SCML2: variants seen among roughly 807,000 people sequenced by gnomAD.
SCML2 encodes sex comb on midleg-like protein 2.
SCML2 carries 6 observed loss-of-function variants against 48.4 expected under a neutral mutation model. The observed-to-expected ratio is 0.12, with a 90% confidence interval of 0.07 to 0.24. The LOEUF is 0.24. Ranked by LOEUF, SCML2 falls within the 10% of genes least tolerant of loss-of-function variation. SCML2 has a pLI of 1.00. For synonymous variants in SCML2, 181 were observed against 189.5 expected (o/e 0.95, Z 0.37); for missense variants, 377 against 528.2 (o/e 0.71, Z 2.81).
intron 3 of SCML2, among the ~76,000 whole-genome samples, chrX:18,327,038 T>C (rs1156353378): frequency 1.8e-5 from 2 of 110,872 alleles, no homozygotes; most frequent in African/African-American, 6.6e-5. Context: ...AGATTCTAAG[T>C]GAAGCTCTAC....
chrX:18,315,721 CTT>C (rs959439667), intron 6 of SCML2, among the ~76,000 whole-genome samples: 1 of 111,783 alleles, frequency 8.9e-6, no homozygotes, highest in Non-Finnish European at 1.9e-5. Flanking sequence ...AGATACCACT[CTT>C]GTTATTGATC....
chrX:18,301,357 C>G (rs182754063), intron 7 of SCML2, among the ~76,000 whole-genome samples: 1 of 110,372 alleles, frequency 9.1e-6, no homozygotes, highest in Non-Finnish European at 1.9e-5. Context: ...AAGATCACAC[C>G]ACTGCTCTCC....
chrX:18,258,273 A>G lies in SCML2; in HGVS notation c.1070-26T>C, dbSNP rs201338811. 3.7e-4 allele frequency: 423 copies of G among 1,130,771 alleles called. 2 individuals carry two copies. The African/African-American group carries it at 6.5e-3, about 17-fold the overall frequency. The allele number at this position is 1,130,771 out of a possible 1,213,427, so 93.2% of individuals were successfully genotyped here. A position where few individuals can be genotyped will look rare whatever the true frequency, so the allele number is the denominator to read the frequency against. On this transcript the variant is annotated intron_variant, in intron 9 of 14. Transcript: ENST00000251900. The stretch of plus-strand genomic sequence containing the variant: ...CTTGAGAAAAAATGCGTATGCATAC[A>G]TAACAATGAGACTGATTAAAAGAAA...
At position 18,257,958 on chromosome X, in the gene SCML2, AAAGGGAAGGGGGAAGGGAAGGGGG is replaced by A. The variant is rs879030487; in HGVS notation, c.1273+62_1273+85del. On this transcript the variant is annotated intron_variant, in intron 10 of 14. Transcript: ENST00000251900. ...GGAGGGGAAAGGGGAAGGGGAGAGG[AAAGGGAAGGGGGAAGGGAAGGGGG>A]AAGGGAAGGGGGAAGGGAAGGGGGA... is the stretch of plus-strand genomic sequence containing the variant. 603 of 456,510 alleles carry A rather than the reference AAAGGGAAGGGGGAAGGGAAGGGGG, an allele frequency of 1.3e-3. 1 individual carries two copies. Among genetic ancestry groups the A allele is most frequent in the African/African-American group, 0.011 (270 of 25,360 alleles). The allele number at this position is 456,510 out of a possible 1,213,427, so 37.6% of individuals were successfully genotyped here.
intron 1 of SCML2, among the ~76,000 whole-genome samples, chrX:18,335,429 G>A (rs746505802): frequency 9.0e-6 from 1 of 111,140 alleles, no homozygotes; most frequent in East Asian, 2.8e-4. Context: ...ACCTGAGCCC[G>A]GGAAATCCAG....
chrX:18,302,327 G>A (rs1317073093), intron 7 of SCML2, among the ~76,000 whole-genome samples: 2 of 110,503 alleles, frequency 1.8e-5, no homozygotes, highest in African/African-American at 6.6e-5. Flanking sequence ...TTTCTCTCCT[G>A]TTGCCATGGA....
chrX:18,244,752 C>A (rs1474689473), intron 13 of SCML2, among the ~76,000 whole-genome samples: 1 of 110,897 alleles, frequency 9.0e-6, no homozygotes, highest in Non-Finnish European at 1.9e-5. Flanking sequence ...GATCCCCCCC[C>A]CTCGACATCA....
At chrX:18,337,400 A>G (rs1401499680) in intron 1 of SCML2, among the ~76,000 whole-genome samples, 1 of 107,604 alleles carries the variant, frequency 9.3e-6, no homozygotes, top group Non-Finnish European at 1.9e-5. Flanking sequence ...CATATAAACT[A>G]CAAGTAAAGG....
At chrX:18,342,188 T>C (rs1461110460) in intron 1 of SCML2, among the ~76,000 whole-genome samples, 1 of 111,878 alleles carries the variant, frequency 8.9e-6, no homozygotes, top group Non-Finnish European at 1.9e-5. Context: ...CTCAAGTAAC[T>C]TGCCTTGATA....
intron 7 of SCML2, among the ~76,000 whole-genome samples, chrX:18,269,574 T>C (rs1927379170): frequency 8.9e-6 from 1 of 111,737 alleles, no homozygotes; most frequent in Non-Finnish European, 1.9e-5. Flanking sequence ...CCAAATAAAA[T>C]GTTCATTCTC....
chrX:18,292,157 A>C (rs1273813080), intron 7 of SCML2, among the ~76,000 whole-genome samples: 4 of 112,055 alleles, frequency 3.6e-5, no homozygotes, highest in African/African-American at 1.3e-4. Flanking sequence ...TTTTTTAATT[A>C]GCAAAAAATA....
Position 18,326,780 on chromosome X carries a change from C to G in SCML2, c.92-1803G>C, listed in dbSNP as rs763748718. 1.3e-4 allele frequency among the ~76,000 whole-genome samples: 14 copies of G among 110,383 alleles called. No homozygotes were observed. The Admixed American group carries it at 1.4e-3, about 11-fold the overall frequency. On this transcript the variant is annotated intron_variant, in intron 3 of 14. Transcript: ENST00000251900. ...GCTATGTGACCCTGAGCAAGTCATT[C>G]ACTTTCTTAGCCTCAGTTCCTTCAT...
chrX:18,305,342 T>A, intron 6 of SCML2, 127 bp from the exon 7 acceptor site: 1 of 557,216 alleles, frequency 1.8e-6, no homozygotes, highest in Non-Finnish European at 2.9e-6. Flanking sequence ...CATGTTTAAT[T>A]ATCAATTAAT....
intron 4 of SCML2, among the ~76,000 whole-genome samples, chrX:18,324,548 A>C (rs1321363902): frequency 1.8e-5 from 2 of 111,467 alleles, no homozygotes; most frequent in East Asian, 5.6e-4. Flanking sequence ...CTTAATACTC[A>C]GATTCTTTCA....
At chrX:18,331,941 G>A (rs1479135084) in intron 2 of SCML2, among the ~76,000 whole-genome samples, 1 of 111,985 alleles carries the variant, frequency 8.9e-6, no homozygotes, top group Admixed American at 9.5e-5. Context: ...TTTAAGATTG[G>A]CTTTTTGGTG....
At chrX:18,257,601 T>C (rs950770720) in intron 10 of SCML2, among the ~76,000 whole-genome samples, 1 of 110,587 alleles carries the variant, frequency 9.0e-6, no homozygotes, top group Non-Finnish European at 1.9e-5. Context: ...ATAATAAATA[T>C]TACAGGCTAG....
chrX:18,293,673 A>C (rs1928303171), intron 7 of SCML2, among the ~76,000 whole-genome samples: 2 of 112,465 alleles, frequency 1.8e-5, no homozygotes, highest in Admixed American at 9.4e-5. Flanking sequence ...CAAGACATCA[A>C]GATTCAACAA....
chrX:18,290,397 A>T (rs1314678162), intron 7 of SCML2, among the ~76,000 whole-genome samples: 2 of 111,706 alleles, frequency 1.8e-5, no homozygotes, highest in Non-Finnish European at 3.8e-5. Flanking sequence ...TTGGACCAGA[A>T]GAATTCCTCT....
intron 7 of SCML2, among the ~76,000 whole-genome samples, chrX:18,276,998 A>G (rs1278052653): frequency 3.6e-5 from 4 of 110,565 alleles, no homozygotes; most frequent in Non-Finnish European, 5.7e-5. Flanking sequence ...GAATTTCACC[A>G]CATCTAAAAA....
Sources: allele counts gnomAD v4.1 joint callset (sites outside exome capture counted in the v4.1 genomes callset), GRCh38; gene constraint gnomAD v4.1.1; transcripts MANE v1.5; gene names NCBI Gene and HGNC (gene_info 2026-07-23, HGNC 2026-07-21).